The following GRAMD1A variants were observed in gnomAD, a reference collection of about 807,000 sequenced individuals.
GRAMD1A encodes protein Aster-A.
A neutral mutation model predicts 92.0 loss-of-function variants in GRAMD1A; 50 were observed. That is an observed-to-expected ratio of 0.54 (90% CI 0.43 to 0.69). The LOEUF (loss-of-function observed/expected upper bound fraction) is 0.69. GRAMD1A is among the 30% of genes least tolerant of loss of function. The pLI is 0.00. For synonymous variants in GRAMD1A, 405 were observed against 403.6 expected (o/e 1.00, Z -0.04); for missense variants, 819 against 978.9 (o/e 0.84, Z 2.18).
At chr19:35,012,188 C>T (rs920805935) in intron 7 of GRAMD1A, among the ~76,000 whole-genome samples, 8 of 152,190 alleles carry the variant, frequency 5.3e-5, no homozygotes, top group Admixed American at 6.5e-5. Context: ...AGTAGCCCAG[C>T]GGTTAGCTCC....
chr19:34,998,054 G>C (rs2014113032), upstream of GRAMD1A, among the ~76,000 whole-genome samples: 1 of 135,460 alleles, frequency 7.4e-6, no homozygotes, highest in Admixed American at 8.1e-5. Context: ...CTGAGCGACA[G>C]AGCAAGACCT....
intron 1 of GRAMD1A, among the ~76,000 whole-genome samples, chr19:35,006,557 G>A (rs779091557): frequency 3.3e-5 from 5 of 152,182 alleles, no homozygotes; most frequent in Non-Finnish European, 5.9e-5. Context: ...ATTACAGTTC[G>A]TGTTTGCACA....
chr19:35,008,709 T>C (rs889773341), intron 1 of GRAMD1A, among the ~76,000 whole-genome samples: 2 of 151,908 alleles, frequency 1.3e-5, no homozygotes, highest in Admixed American at 6.6e-5. Context: ...CCCAGCTACT[T>C]GGGAGGCTAA....
rs543424965 is a variant in GRAMD1A at position 35,021,143 on chromosome 19, A to G, written c.1476-359A>G. Reference sequence around the variant, plus strand: ...AGGTCAGTTTGGGACTCAGCTGTCTATGTTGAGCTGAGCCCATGTGGAGCT... The same window carrying G: ...AGGTCAGTTTGGGACTCAGCTGTCTGTGTTGAGCTGAGCCCATGTGGAGCT... On this transcript the variant is annotated intron_variant, in intron 13 of 19. Coordinates refer to ENST00000317991, the MANE Select transcript of GRAMD1A (RefSeq NM_020895.5). This position sits in a 1 kb window ranked among gnomAD's most constrained non-coding sequence, Gnocchi z 5.3. Among the ~76,000 whole-genome samples, 3 of 152,320 alleles carry G rather than the reference A, an allele frequency of 2.0e-5. No homozygotes were observed. The highest frequency in any genetic ancestry group is 7.2e-5 in the African/African-American group (3 of 41,574).
chr19:35,014,460 G>A, intron 10 of GRAMD1A, 73 bp downstream of exon 10: 4 of 1,312,628 alleles, frequency 3.0e-6, no homozygotes, highest in East Asian at 2.3e-5. Flanking sequence ...AAGAGGGGAT[G>A]GATTCGCCCG....
rs1468775715 is a variant in GRAMD1A, at chr19:35,010,304, A to G, written c.450A>G (p.Glu150=). Residue 150 remains glutamate, a synonymous_variant, in exon 6 of 20, where the codon GAA becomes GAG. Coordinates refer to ENST00000317991, the MANE Select transcript of GRAMD1A (RefSeq NM_020895.5). ...WETTISIQLK[E]VTCLKKEKTA... is the part of the protein sequence containing the mutation. ...CTCAGATCTCCATCCAGCTGAAGGA[A>G]GTGACATGTCTGAAGAAGGAAAAGA... 2 of 1,612,452 alleles carry G rather than the reference A, an allele frequency of 1.2e-6. No individual in the cohort carries two copies. The highest frequency in any genetic ancestry group is 1.7e-6 in the Non-Finnish European group (2 of 1,178,530).
chr19:35,009,905 T>A lies in GRAMD1A; in HGVS notation c.258T>A (p.Tyr86Ter). 6.2e-7 allele frequency: 1 copy of A among 1,610,502 alleles called. No individual in the cohort carries two copies. Among genetic ancestry groups the A allele is most frequent in the Non-Finnish European group, 8.5e-7 (1 of 1,176,694 alleles). ...QSWYSMLSPTYKQRNEDFRKL... is the reference protein window; with the variant it reads ...QSWYSMLSPT Reference sequence around the variant, plus strand: ...TTCCTCAGATGCTGAGCCCCACTTATAAGCAGCGTAATGAGGACTTCCGGA... The same window carrying A: ...TTCCTCAGATGCTGAGCCCCACTTAAAAGCAGCGTAATGAGGACTTCCGGA... Residue 86 changes from tyrosine (Y) to a stop codon, truncating the protein, a stop_gained, in exon 4 of 20, where the codon TAT becomes TAA. Transcript: ENST00000317991. LOFTEE classifies it high-confidence loss of function.
At chr19:35,012,363 T>TA (rs55637458) in intron 7 of GRAMD1A, among the ~76,000 whole-genome samples, 15,522 of 152,328 alleles carry the variant, frequency 0.1, 790 homozygotes, top group East Asian at 0.16. Flanking sequence ...GTTTTGAAGA[T>TA]ACAGTGAGTT....
In GRAMD1A at chr19:35,000,880, G is replaced by A. The variant is rs1265664485; in HGVS notation, c.8+394G>A. On this transcript the variant is annotated intron_variant, in intron 1 of 19. Transcript: ENST00000317991. The surrounding 1 kb of genome is among the most constrained non-coding windows in gnomAD (Gnocchi z 4.9). ...CGGCCTGGGATGGAGACAGGATCGG[G>A]ACCAGCCCAGGCCCACAGGCCGCGG... Among the ~76,000 whole-genome samples, 1 of 152,016 alleles carries A rather than the reference G, an allele frequency of 6.6e-6. No individual in the cohort carries two copies. The highest frequency in any genetic ancestry group is 1.9e-4 in the East Asian group (1 of 5,154).
chr19:34,995,562 A>G (rs1339648236), upstream of GRAMD1A, among the ~76,000 whole-genome samples: 4 of 121,764 alleles, frequency 3.3e-5, no homozygotes, highest in Admixed American at 3.3e-4. Context: ...TCTGACTCTC[A>G]GATCACGGGT....
In GRAMD1A at chr19:35,022,357, A is replaced by G. The variant is rs545504995; in HGVS notation, c.1841+319A>G. Among the ~76,000 whole-genome samples, 212 of 152,282 alleles carry G rather than the reference A, an allele frequency of 1.4e-3. 1 individual carries two copies. The highest frequency in any genetic ancestry group is 2.6e-3 in the Non-Finnish European group (178 of 68,026). Reference sequence around the variant, plus strand: ...GTGCACAGGGAGAGGTGTGCCTAACAAGTGAGGTCATTTATGGACATTATG... The same window carrying G: ...GTGCACAGGGAGAGGTGTGCCTAACGAGTGAGGTCATTTATGGACATTATG... On this transcript the variant is annotated intron_variant, in intron 16 of 19. Coordinates refer to ENST00000317991, the MANE Select transcript of GRAMD1A (RefSeq NM_020895.5).
At chr19:35,005,141 G>A (rs1372424631) in intron 1 of GRAMD1A, among the ~76,000 whole-genome samples, 4 of 151,708 alleles carry the variant, frequency 2.6e-5, no homozygotes, top group Non-Finnish European at 2.9e-5. Flanking sequence ...ATGTGCTCAC[G>A]GAGCACCTCC....
chr19:35,016,041 A>AGGGGAAGGCACTGCTAGCCAGTG, intron 11 of GRAMD1A, 74 bp downstream of exon 11: 1 of 1,504,328 alleles, frequency 6.6e-7, no homozygotes, highest in Non-Finnish European at 9.1e-7. Flanking sequence ...AGCCCAGGAC[A>AGGGGAAGGCACTGCTAGCCAGTG]GGGGAAGGCA....
At chr19:35,024,414 G>A (rs539004998) in intron 19 of GRAMD1A, among the ~76,000 whole-genome samples, 115 of 148,454 alleles carry the variant, frequency 7.7e-4, no homozygotes, top group Non-Finnish European at 1.3e-3. Flanking sequence ...CAGCAGTTGC[G>A]GTGGGTCAGA....
In GRAMD1A at chr19:35,013,489, GTGTA is replaced by G. The variant is rs2015395963; in HGVS notation, c.720-49_720-46del. On this transcript the variant is annotated intron_variant, in intron 8 of 19. Coordinates refer to ENST00000317991, the MANE Select transcript of GRAMD1A (RefSeq NM_020895.5). The surrounding 1 kb of genome is among the most constrained non-coding windows in gnomAD (Gnocchi z 4.9). ...TATGACGTCTGGAGGATTCAGGAGG[GTGTA>G]TGGGGTCTCAAGGACACAGCAGTCC... 6.4e-7 allele frequency: 1 copy of G among 1,571,570 alleles called. No individual in the cohort carries two copies. The highest frequency in any genetic ancestry group is 8.7e-7 in the Non-Finnish European group (1 of 1,149,644).
In GRAMD1A at chr19:35,013,165, A is replaced by G; in HGVS notation, c.607-91A>G. Reference sequence around the variant, plus strand: ...GCTGCCTCCTTGTGGAAGCCAGGGGAACTGCGGAGGCCGAGGGCTGGTGGG... The same window carrying G: ...GCTGCCTCCTTGTGGAAGCCAGGGGGACTGCGGAGGCCGAGGGCTGGTGGG... On this transcript the variant is annotated intron_variant, in intron 7 of 19. Coordinates refer to ENST00000317991, the MANE Select transcript of GRAMD1A (RefSeq NM_020895.5). The surrounding 1 kb of genome is among the most constrained non-coding windows in gnomAD (Gnocchi z 4.9). 1.5e-6 allele frequency: 1 copy of G among 669,990 alleles called. No individual in the cohort carries two copies. 41.5% of individuals were successfully genotyped at this position (669,990 alleles called of 1,614,324 possible).
chr19:35,009,917 TGAG>T lies in GRAMD1A; in HGVS notation c.273_275del (p.Glu91del). ...TGAGCCCCACTTATAAGCAGCGTAA[TGAG>T]GACTTCCGGAAACTGTTCAGCAAAC... On this transcript the variant is annotated inframe_deletion, in exon 4 of 20. Transcript: ENST00000317991. 6.2e-7 allele frequency: 1 copy of T among 1,612,688 alleles called. No individual in the cohort carries two copies. The highest frequency in any genetic ancestry group is 1.7e-5 in the Admixed American group (1 of 60,028).
Position 35,009,124 on chromosome 19 carries a change from C to T in GRAMD1A, c.14C>T (p.Thr5Ile). Residue 5 changes from threonine to isoleucine, a missense_variant, in exon 2 of 20, where the codon ACA becomes ATA. By Grantham distance (89) the Thr-to-Ile change is moderately conservative (BLOSUM62 -1). Coordinates refer to ENST00000317991, the MANE Select transcript of GRAMD1A (RefSeq NM_020895.5). MFDTTPHSGRSTPSS... is the reference protein window; with the variant it reads MFDTIPHSGRSTPSS... ...CTTCCTCTTCCTGCCCCCAGCACCA[C>T]ACCCCACTCTGGCCGGAGCACGCCA... 6.2e-7 allele frequency: 1 copy of T among 1,610,850 alleles called. No individual in the cohort carries two copies. The highest frequency in any genetic ancestry group is 8.5e-7 in the Non-Finnish European group (1 of 1,177,116).
At chr19:35,006,615 A>G (rs2014834741) in intron 1 of GRAMD1A, among the ~76,000 whole-genome samples, 1 of 152,174 alleles carries the variant, frequency 6.6e-6, no homozygotes. Context: ...TCCCCACCAG[A>G]AGGCTCATTC....
Sources: gnomAD v4.1 joint callset for allele counts (sites outside exome capture counted in the v4.1 genomes callset) on GRCh38, gnomAD v4.1.1 for gene constraint, Gnocchi (gnomAD v3.1) non-coding constraint, MANE v1.5 for transcripts, NCBI Gene and HGNC (gene_info 2026-07-23, HGNC 2026-07-21) for gene names.